The following OLA1 variants were observed in gnomAD, a reference collection of about 807,000 sequenced individuals.
OLA1 encodes obg-like ATPase 1.
A neutral mutation model predicts 48.4 loss-of-function variants in OLA1; 14 were observed. The observed-to-expected ratio is 0.29, with a 90% CI of 0.19 to 0.45. The LOEUF (loss-of-function observed/expected upper bound fraction) is 0.45. Ranked by LOEUF, OLA1 falls within the 20% of genes least tolerant of loss-of-function variation. The pLI is 1.00. For missense variants in OLA1, 325 were observed against 467.1 expected (o/e 0.70, Z 2.80); for synonymous variants, 127 against 150.4 (o/e 0.84, Z 1.14).
intron 4 of OLA1, among the ~76,000 whole-genome samples, chr2:174,155,632 T>C (rs1008128284): frequency 6.6e-6 from 1 of 152,172 alleles, no homozygotes; most frequent in Non-Finnish European, 1.5e-5. Context: ...TTGCATTAGA[T>C]TACATATTTT....
intron 4 of OLA1, among the ~76,000 whole-genome samples, chr2:174,174,969 C>G (rs1003154365): frequency 6.6e-6 from 1 of 151,892 alleles, no homozygotes; most frequent in African/African-American, 2.4e-5. Context: ...ACTTGACCTC[C>G]TAAACAGTTA....
Position 174,243,410 on chromosome 2 carries a change from G to A in OLA1, c.101+3305C>T, listed in dbSNP as rs190712048. Reference sequence around the variant, plus strand: ...TGCCACCGCACTCCAGCCTGGGCAAGAGAATAAAATCTTGTTCAAAAAACA... The same window carrying A: ...TGCCACCGCACTCCAGCCTGGGCAAAAGAATAAAATCTTGTTCAAAAAACA... On this transcript the variant is annotated intron_variant, in intron 2 of 10. Coordinates refer to ENST00000284719, the MANE Select transcript of OLA1 (RefSeq NM_013341.5). 8.2e-4 allele frequency among the ~76,000 whole-genome samples: 125 copies of A among 152,270 alleles called. 1 individual carries two copies. The highest frequency in any genetic ancestry group is 2.0e-3 in the Admixed American group (31 of 15,296).
At chr2:174,223,299 A>C in intron 3 of OLA1, 139 bp from the exon 4 acceptor site, 1 of 759,104 alleles carries the variant, frequency 1.3e-6, no homozygotes, top group Non-Finnish European at 2.0e-6. Context: ...ATGAATATCC[A>C]CCCCTCCCCC....
intron 4 of OLA1, among the ~76,000 whole-genome samples, chr2:174,177,776 A>G: frequency 6.6e-6 from 1 of 151,984 alleles, no homozygotes; most frequent in Admixed American, 6.6e-5. Flanking sequence ...AATAAAATCA[A>G]GTACATCTGG....
At position 174,246,298 on chromosome 2, in the gene OLA1, T is replaced by G. The variant is rs1177999858; in HGVS notation, c.101+417A>C. 2.5e-5 allele frequency among the ~76,000 whole-genome samples: 3 copies of G among 118,412 alleles called. No homozygotes were observed. In the Admixed American group the frequency reaches 2.5e-4, roughly 10 times the overall value. 77.7% of individuals were successfully genotyped at this position (118,412 alleles called of 152,430 possible). A position where few individuals can be genotyped will look rare whatever the true frequency, so the allele number is the denominator to read the frequency against. ...CTGGGCGACAGAGTGAGACTCCATC[T>G]CAAAAAAAAAAAAGAAAAAGAAAAG... On this transcript the variant is annotated intron_variant, in intron 2 of 10. Coordinates refer to ENST00000284719, the MANE Select transcript of OLA1 (RefSeq NM_013341.5).
chr2:174,214,870 T>C (rs886685533), intron 4 of OLA1, among the ~76,000 whole-genome samples: 3 of 151,848 alleles, frequency 2.0e-5, no homozygotes, highest in African/African-American at 7.3e-5. Context: ...GCCAACATGA[T>C]GAAACCCCGT....
intron 4 of OLA1, among the ~76,000 whole-genome samples, chr2:174,157,030 T>C (rs1399838229): frequency 7.0e-6 from 1 of 143,816 alleles, no homozygotes; most frequent in Non-Finnish European, 1.5e-5. Flanking sequence ...AAAAAAAAAA[T>C]GAAAGAAAAC....
At chr2:174,244,753 T>C (rs1351747731) in intron 2 of OLA1, among the ~76,000 whole-genome samples, 1 of 151,752 alleles carries the variant, frequency 6.6e-6, no homozygotes, top group African/African-American at 2.4e-5. Flanking sequence ...GCCTCCCGAG[T>C]ATCTGGAATT....
At chr2:174,111,027 T>C (rs1685635776) in intron 7 of OLA1, among the ~76,000 whole-genome samples, 2 of 152,228 alleles carry the variant, frequency 1.3e-5, no homozygotes, top group South Asian at 2.1e-4. Flanking sequence ...TTATGATAAA[T>C]AAATTATATT....
intron 4 of OLA1, among the ~76,000 whole-genome samples, chr2:174,207,730 A>G (rs1403729941): frequency 2.0e-5 from 3 of 151,984 alleles, no homozygotes; most frequent in Non-Finnish European, 4.4e-5. Flanking sequence ...ACTTACTAAA[A>G]TAGACTCTTT....
intron 10 of OLA1, among the ~76,000 whole-genome samples, chr2:174,078,537 G>A (rs6712706): frequency 6.6e-6 from 1 of 151,760 alleles, no homozygotes; most frequent in Non-Finnish European, 1.5e-5. Context: ...CAACAAACAA[G>A]TAAAACCATG....
At chr2:174,235,242 A>G (rs1574571303) in intron 2 of OLA1, among the ~76,000 whole-genome samples, 1 of 152,170 alleles carries the variant, frequency 6.6e-6, no homozygotes, top group East Asian at 1.9e-4. Flanking sequence ...GAATACTAGG[A>G]AAGAGTGATT....
chr2:174,087,031 CTTTTTTTT>C (rs374845811), intron 7 of OLA1, among the ~76,000 whole-genome samples: 2 of 142,074 alleles, frequency 1.4e-5, no homozygotes, highest in Non-Finnish European at 3.1e-5. Flanking sequence ...TTCTTTTTTT[CTTTTTTTT>C]TTTTTTGAGA....
intron 7 of OLA1, among the ~76,000 whole-genome samples, chr2:174,105,700 C>T (rs1685498971): frequency 6.6e-6 from 1 of 151,980 alleles, no homozygotes; most frequent in African/African-American, 2.4e-5. Flanking sequence ...GATAAGTTTA[C>T]TTTTCTCACT....
chr2:174,237,540 G>A (rs539706417), intron 2 of OLA1, among the ~76,000 whole-genome samples: 2 of 152,264 alleles, frequency 1.3e-5, no homozygotes, highest in East Asian at 1.9e-4. Flanking sequence ...TTGAAGCCAG[G>A]AGTTCAAGAC....
At chr2:174,099,769 T>G (rs1479019922) in intron 7 of OLA1, among the ~76,000 whole-genome samples, 2 of 152,234 alleles carry the variant, frequency 1.3e-5, no homozygotes, top group Non-Finnish European at 2.9e-5. Flanking sequence ...CTTTAAGATT[T>G]CTGCTCTTAG....
chr2:174,103,375 GC>G (rs1685441349), intron 7 of OLA1, among the ~76,000 whole-genome samples: 3 of 152,140 alleles, frequency 2.0e-5, no homozygotes, highest in African/African-American at 7.2e-5. Flanking sequence ...ACAACGACAT[GC>G]CCATGCCCAT....
chr2:174,210,193 T>C (rs1189263501), intron 4 of OLA1, among the ~76,000 whole-genome samples: 1 of 152,140 alleles, frequency 6.6e-6, no homozygotes, highest in African/African-American at 2.4e-5. Flanking sequence ...ACATTATATC[T>C]ATCATATTTT....
chr2:174,187,772 C>A lies in OLA1; in HGVS notation c.373+35261G>T, dbSNP rs76692313. On this transcript the variant is annotated intron_variant, in intron 4 of 10. Transcript: ENST00000284719. ...TGAATAGCATGCTAGTAGCAGTGAA[C>A]AGAGGCAGGGGTATGGAAGGTTTTC... Among the ~76,000 whole-genome samples, 68 of 152,236 alleles carry A rather than the reference C, an allele frequency of 4.5e-4. 1 individual carries two copies. The East Asian group carries it at 8.9e-3, about 20-fold the overall frequency.
Sources: allele counts gnomAD v4.1 joint callset (sites outside exome capture counted in the v4.1 genomes callset), GRCh38; gene constraint gnomAD v4.1.1; transcripts MANE v1.5; gene names NCBI Gene and HGNC (gene_info 2026-07-23, HGNC 2026-07-21).